SRSF4: variants seen among roughly 807,000 people sequenced by gnomAD.
SRSF4 encodes the protein serine and arginine rich splicing factor 4.
SRSF4 carries 12 observed loss-of-function variants against 48.8 expected under a neutral mutation model. That is an observed-to-expected ratio of 0.25 (90% CI 0.16 to 0.40). The LOEUF is 0.40. Among genes scored for constraint, SRSF4 ranks in the 10% least tolerant of loss-of-function variants. SRSF4 has a pLI of 1.00. For missense variants in SRSF4, 466 were observed against 667.1 expected (o/e 0.70, Z 3.32); for synonymous variants, 248 against 232.5 (o/e 1.07, Z -0.61).
chr1:29,154,584 A>C, intron 4 of SRSF4, 112 bp downstream of exon 4: 1 of 1,023,720 alleles, frequency 9.8e-7, no homozygotes. Context: ...AAGTTATTGA[A>C]CCAGATGGAA....
rs1558396025 is a variant in SRSF4, at chr1:29,181,861, G to A, written c.-109C>T. The A allele has an allele frequency of 8.8e-6, 8 of 907,210 alleles. No homozygotes were observed. Among genetic ancestry groups the A allele is most frequent in the Admixed American group, 4.3e-5 (1 of 23,118 alleles). The allele number at this position is 907,210 out of a possible 1,614,324, so 56.2% of individuals were successfully genotyped here. A position where few individuals can be genotyped will look rare whatever the true frequency, so the allele number is the denominator to read the frequency against. On this transcript the variant is annotated 5_prime_UTR_variant, in exon 1 of 6. Coordinates refer to ENST00000373795, the MANE Select transcript of SRSF4 (RefSeq NM_005626.5). ...GGCGGCGGCAACGGGCGGGCGGCGG[G>A]ACGGACGCAGCCGAACCCCGGCGAC...
intron 1 of SRSF4, chr1:29,165,919 T>C (rs1672664371): frequency 6.6e-6 from 1 of 152,268 alleles, no homozygotes; most frequent in Non-Finnish European, 1.5e-5. Context: ...CACATGCTTT[T>C]CTTTGTATGT....
intron 1 of SRSF4, among the ~76,000 whole-genome samples, chr1:29,174,675 GTTT>G (rs35283951): frequency 6.9e-5 from 9 of 130,692 alleles, no homozygotes; most frequent in African/African-American, 8.5e-5. Flanking sequence ...CAGGAGATAG[GTTT>G]TTTTTTTTTT....
At chr1:29,164,838 C>CA (rs1265711591) in intron 1 of SRSF4, among the ~76,000 whole-genome samples, 3 of 152,180 alleles carry the variant, frequency 2.0e-5, no homozygotes, top group Non-Finnish European at 2.9e-5. Context: ...CAACACCCTT[C>CA]AAGTAAGAGA....
In SRSF4 at chr1:29,159,340, C is replaced by T. The variant is rs767296066; in HGVS notation, c.363+34G>A. The T allele has an allele frequency of 3.9e-6, 6 of 1,524,032 alleles. No homozygotes were observed. The South Asian group carries it at 6.8e-5, about 17-fold the overall frequency. The allele number at this position is 1,524,032 out of a possible 1,614,324, so 94.4% of individuals were successfully genotyped here. ...CTGTTTCCCAACTTTAACTCCTGCC[C>T]AACCTTACCCCAAAAGGTTAATGGG... On this transcript the variant is annotated intron_variant, in intron 3 of 5. Transcript: ENST00000373795.
At chr1:29,152,269 C>T (rs530436169) in intron 4 of SRSF4, among the ~76,000 whole-genome samples, 1 of 152,210 alleles carries the variant, frequency 6.6e-6, no homozygotes, top group Non-Finnish European at 1.5e-5. Flanking sequence ...GATGTCTAGA[C>T]TTGCCTTACA....
chr1:29,181,100 G>A (rs1202918248), intron 1 of SRSF4, among the ~76,000 whole-genome samples: 1 of 152,342 alleles, frequency 6.6e-6, no homozygotes, highest in East Asian at 1.9e-4. Context: ...ACTGTCACTA[G>A]ACTACTCAAA....
At chr1:29,165,087 T>C (rs1170685258) in intron 1 of SRSF4, among the ~76,000 whole-genome samples, 1 of 152,214 alleles carries the variant, frequency 6.6e-6, no homozygotes, top group Non-Finnish European at 1.5e-5. Context: ...AAGCACTGTG[T>C]TGTCTTTACC....
At chr1:29,174,321 C>G (rs1672801195) in intron 1 of SRSF4, among the ~76,000 whole-genome samples, 1 of 152,134 alleles carries the variant, frequency 6.6e-6, no homozygotes, top group African/African-American at 2.4e-5. Context: ...TGCTTTGACT[C>G]CCAAAGTCTA....
intron 4 of SRSF4, among the ~76,000 whole-genome samples, chr1:29,150,732 C>T (rs987293375): frequency 6.6e-6 from 1 of 152,160 alleles, no homozygotes; most frequent in African/African-American, 2.4e-5. Context: ...TTTTGCTGGG[C>T]TCCTTATGTG....
At chr1:29,155,387 T>A (rs894239272) in intron 3 of SRSF4, among the ~76,000 whole-genome samples, 1 of 152,108 alleles carries the variant, frequency 6.6e-6, no homozygotes, top group Non-Finnish European at 1.5e-5. Context: ...GCCGTGATCA[T>A]GCCACTGCAC....
At chr1:29,151,014 A>G (rs951915515) in intron 4 of SRSF4, among the ~76,000 whole-genome samples, 2 of 152,308 alleles carry the variant, frequency 1.3e-5, no homozygotes, top group Non-Finnish European at 2.9e-5. Context: ...CAAGCTTTAC[A>G]AAATTTTTTT....
intron 4 of SRSF4, 83 bp from the exon 5 acceptor site, chr1:29,150,275 T>A: frequency 1.4e-6 from 1 of 701,618 alleles, no homozygotes; most frequent in Non-Finnish European, 2.0e-6. Flanking sequence ...ATTATATATA[T>A]ATATTTTAGA....
intron 1 of SRSF4, among the ~76,000 whole-genome samples, chr1:29,165,572 C>T (rs1166338557): frequency 2.0e-5 from 3 of 152,198 alleles, no homozygotes; most frequent in African/African-American, 4.8e-5. Context: ...TAGGATTTAC[C>T]TCAACTCTTT....
At position 29,178,762 on chromosome 1, in the gene SRSF4, T is replaced by C. The variant is rs572556935; in HGVS notation, c.107+2884A>G. Among the ~76,000 whole-genome samples, 10 of 152,366 alleles carry C rather than the reference T, an allele frequency of 6.6e-5. No homozygotes were observed. The South Asian group carries it at 1.7e-3, about 25-fold the overall frequency. On this transcript the variant is annotated intron_variant, in intron 1 of 5. Coordinates refer to ENST00000373795, the MANE Select transcript of SRSF4 (RefSeq NM_005626.5). ...TAAGCTTACATACGTAGCTAAGTTA[T>C]GCTTTTTCTTTTGTACTCACTCCTT... is the stretch of plus-strand genomic sequence containing the variant.
intron 1 of SRSF4, among the ~76,000 whole-genome samples, chr1:29,175,023 C>T (rs929448173): frequency 4.6e-5 from 7 of 150,748 alleles, no homozygotes; most frequent in Admixed American, 1.3e-4. Context: ...AGACAGAGTG[C>T]GTGCGTGCAC....
chr1:29,160,191 AGTTT>A (rs1304317452), intron 2 of SRSF4, 180 bp downstream of exon 2: 47 of 612,946 alleles, frequency 7.7e-5, no homozygotes, highest in Admixed American at 1.9e-4. Context: ...AATTGTCATT[AGTTT>A]AATTAAAATT....
intron 4 of SRSF4, 133 bp downstream of exon 4, chr1:29,154,563 T>C (rs1672469223): frequency 1.2e-6 from 1 of 836,212 alleles, no homozygotes; most frequent in African/African-American, 1.7e-5. Context: ...AAATGTTCAG[T>C]TCAAAATTCT....
chr1:29,154,727 G>A lies in SRSF4; in HGVS notation c.547C>T (p.Arg183Trp), dbSNP rs1672471904. The A allele has an allele frequency of 1.2e-6, 2 of 1,614,154 alleles. No individual in the cohort carries two copies. Among genetic ancestry groups the A allele is most frequent in the Non-Finnish European group, 1.7e-6 (2 of 1,180,040 alleles). The change falls in exon 4 of 6, where the codon CGG becomes TGG. Residue 183 changes from arginine to tryptophan, a missense_variant. Physicochemically the swap from Arg to Trp is moderately radical, Grantham distance 101. This residue lies in a region of SRSF4 where 402 missense variants were observed against 437.0 expected (regional missense o/e 0.92). Transcript: ENST00000373795. The stretch of plus-strand genomic sequence containing the variant: ...TGACTCCGGCTTCTGGAGTAGGACC[G>A]GCGTCGTCTGGAACCTGGCTTGTCT... The part of the protein sequence containing the change: ...VEDKPGSRRR[R>W]SYSRSRSHSR...
Sources: gnomAD v4.1 joint callset for allele counts (sites outside exome capture counted in the v4.1 genomes callset) on GRCh38, gnomAD v4.1.1 for gene constraint, gnomAD v4.1.1 regional missense constraint, MANE v1.5 for transcripts, NCBI Gene and HGNC (gene_info 2026-07-23, HGNC 2026-07-21) for gene names.